Variants in FAR2 observed in about 807,000 individuals in gnomAD.
The protein encoded by FAR2 is epididymis secretory protein Li 81.
In FAR2, 19 loss-of-function variants were observed where a neutral mutation model predicts 56.0. The ratio of observed to expected loss-of-function variants is 0.34; its 90% CI spans 0.24 to 0.50. The LOEUF is 0.50. Ranked by LOEUF, FAR2 falls within the 20% of genes least tolerant of loss-of-function variation. FAR2 has a pLI of 0.98. For synonymous variants in FAR2, 219 were observed against 218.8 expected (o/e 1.00, Z -0.01); for missense variants, 508 against 642.2 (o/e 0.79, Z 2.26).
intron 1 of FAR2, among the ~76,000 whole-genome samples, chr12:29,168,161 C>T (rs78930147): frequency 9.4e-4 from 143 of 152,246 alleles, no homozygotes; most frequent in African/African-American, 3.1e-3. Flanking sequence ...TAGTTTATCC[C>T]GCTTGAAACC....
intron 11 of FAR2, chr12:29,333,141 A>C (rs1307883387): frequency 9.0e-6 from 3 of 332,620 alleles, no homozygotes; most frequent in Non-Finnish European, 1.7e-5. Flanking sequence ...AACTTTCTTA[A>C]ATTTCTTTCA....
intron 9 of FAR2, 62 bp downstream of exon 9, chr12:29,317,074 C>A: frequency 6.7e-7 from 1 of 1,501,608 alleles, no homozygotes; most frequent in South Asian, 1.3e-5. Context: ...GCCCCAAAAT[C>A]TTTAGTGCTT....
chr12:29,322,051 TTTTC>T, intron 10 of FAR2, 127 bp downstream of exon 10: 4 of 1,141,432 alleles, frequency 3.5e-6, no homozygotes, highest in Non-Finnish European at 4.7e-6. Context: ...TTTGCTTTGT[TTTTC>T]TAAGAAAATC....
At chr12:29,174,505 C>T (rs539273119) in intron 1 of FAR2, among the ~76,000 whole-genome samples, 7 of 129,706 alleles carry the variant, frequency 5.4e-5, no homozygotes, top group East Asian at 5.1e-4. Context: ...GGCACAATCT[C>T]GGCCTCCCCA....
intron 1 of FAR2, among the ~76,000 whole-genome samples, chr12:29,180,401 A>C (rs1201914593): frequency 6.6e-6 from 1 of 151,978 alleles, no homozygotes; most frequent in East Asian, 1.9e-4. Flanking sequence ...TTCCAACATG[A>C]GTTTCCAGTT....
intron 1 of FAR2, among the ~76,000 whole-genome samples, chr12:29,180,609 AG>A (rs1949982683): frequency 6.6e-6 from 1 of 152,202 alleles, no homozygotes; most frequent in Non-Finnish European, 1.5e-5. Context: ...GTCTTCTGAT[AG>A]TACTTTTAGG....
intron 1 of FAR2, among the ~76,000 whole-genome samples, chr12:29,150,005 T>A (rs1949669489): frequency 6.6e-6 from 1 of 152,148 alleles, no homozygotes; most frequent in Non-Finnish European, 1.5e-5. Context: ...GGGTCGTGGC[T>A]GACGCGCGCT....
chr12:29,191,475 G>A (rs979168869), intron 1 of FAR2, among the ~76,000 whole-genome samples: 2 of 152,240 alleles, frequency 1.3e-5, no homozygotes, highest in Admixed American at 6.5e-5. Context: ...CAGTAAGGCC[G>A]GTTAGACGAG....
At chr12:29,178,499 G>A (rs112117423) in intron 1 of FAR2, among the ~76,000 whole-genome samples, 2,915 of 152,276 alleles carry the variant, frequency 0.019, 84 homozygotes, top group African/African-American at 0.063. Flanking sequence ...GGGAGGCTGC[G>A]GTGGGAGTAT....
chr12:29,261,799 C>T (rs1046784136), intron 1 of FAR2, among the ~76,000 whole-genome samples: 3 of 151,882 alleles, frequency 2.0e-5, no homozygotes, highest in East Asian at 1.9e-4. Context: ...AATCTTTTAC[C>T]CTAGAATAGA....
At chr12:29,295,221 C>A (rs1217661288) in intron 3 of FAR2, among the ~76,000 whole-genome samples, 2 of 152,052 alleles carry the variant, frequency 1.3e-5, no homozygotes, top group Non-Finnish European at 2.9e-5. Context: ...CTACAGGCAC[C>A]CACCACCATG....
chr12:29,213,971 A>C (rs140297047), intron 1 of FAR2, among the ~76,000 whole-genome samples: 306 of 152,288 alleles, frequency 2.0e-3, no homozygotes, highest in African/African-American at 7.0e-3. Flanking sequence ...ATTAATAATA[A>C]ATATAATCTG....
chr12:29,297,142 A>C lies in FAR2; in HGVS notation c.487A>C (p.Ile163Leu). The change falls in exon 4 of 12, where the codon ATC becomes CTC. Residue 163 changes from isoleucine to leucine, a missense_variant. Coordinates refer to ENST00000536681, the MANE Select transcript of FAR2 (RefSeq NM_001271783.2). The stretch of plus-strand genomic sequence containing the variant: ...CTATTCAAATTGTAACCTGAAGCAC[A>C]TCGATGAAGTTATCTATCCGTGCCC... ...TAYSNCNLKHIDEVIYPCPVE... is the reference protein window; with the variant it reads ...TAYSNCNLKHLDEVIYPCPVE... 6.2e-7 allele frequency: 1 copy of C among 1,614,052 alleles called. No homozygotes were observed. The highest frequency in any genetic ancestry group is 2.2e-5 in the East Asian group (1 of 44,870).
At chr12:29,207,393 G>A (rs746276900) in intron 1 of FAR2, among the ~76,000 whole-genome samples, 14 of 152,150 alleles carry the variant, frequency 9.2e-5, no homozygotes, top group Non-Finnish European at 1.9e-4. Context: ...CAAGTACTAT[G>A]TAGAATTCCC....
chr12:29,291,184 C>G (rs911954838), intron 2 of FAR2, among the ~76,000 whole-genome samples: 3 of 151,986 alleles, frequency 2.0e-5, no homozygotes, highest in African/African-American at 7.2e-5. Context: ...AAAAAAGAAT[C>G]AAGGAGTTTA....
At chr12:29,301,630 T>C (rs1042148316) in intron 4 of FAR2, 2 of 152,064 alleles carry the variant, frequency 1.3e-5, no homozygotes, top group African/African-American at 4.8e-5. Context: ...ACTAGAAAAA[T>C]GGAATCACAA....
chr12:29,191,028 C>T (rs757791970), intron 1 of FAR2, among the ~76,000 whole-genome samples: 2 of 152,190 alleles, frequency 1.3e-5, no homozygotes, highest in Non-Finnish European at 2.9e-5. Context: ...CCTCATTTCC[C>T]TCCCTGGGTC....
At chr12:29,153,404 A>G (rs1360050187) in intron 1 of FAR2, among the ~76,000 whole-genome samples, 1 of 152,232 alleles carries the variant, frequency 6.6e-6, no homozygotes, top group Non-Finnish European at 1.5e-5. Flanking sequence ...GAAGGTCTTA[A>G]GAGAAAACGC....
chr12:29,327,534 T>C (rs1949668542), intron 10 of FAR2, among the ~76,000 whole-genome samples: 1 of 152,160 alleles, frequency 6.6e-6, no homozygotes, highest in Admixed American at 6.5e-5. Context: ...CAAAACAGCA[T>C]GGTACTGGCA....
Sources: gnomAD v4.1 joint callset for allele counts (sites outside exome capture counted in the v4.1 genomes callset) on GRCh38, gnomAD v4.1.1 for gene constraint, MANE v1.5 for transcripts, NCBI Gene and HGNC (gene_info 2026-07-23, HGNC 2026-07-21) for gene names.